Variants in NUP85 observed in about 807,000 individuals in gnomAD.
NUP85 encodes nucleoporin 85.
Under a neutral mutation model 92.8 loss-of-function variants are expected in NUP85, and 23 were observed. The observed-to-expected ratio is 0.25, with a 90% CI of 0.18 to 0.35. The LOEUF (loss-of-function observed/expected upper bound fraction) is 0.35. NUP85 is among the 10% of genes least tolerant of loss of function. NUP85 has a pLI of 1.00. For synonymous variants in NUP85, 314 were observed against 306.9 expected (o/e 1.02, Z -0.24); for missense variants, 759 against 822.8 (o/e 0.92, Z 0.95).
intron 6 of NUP85, 109 bp downstream of exon 6, chr17:75,215,932 C>T: frequency 1.0e-6 from 1 of 988,626 alleles, no homozygotes; most frequent in Non-Finnish European, 1.6e-6. Context: ...TGAGAATGTT[C>T]TTTCCATCAT....
intron 5 of NUP85, among the ~76,000 whole-genome samples, chr17:75,214,676 C>T (rs989200356): frequency 7.3e-5 from 11 of 151,212 alleles, no homozygotes; most frequent in African/African-American, 2.7e-4. Context: ...CTGGCCAACA[C>T]GGAAACTCCA....
At chr17:75,210,394 A>G (rs915734547) in intron 3 of NUP85, among the ~76,000 whole-genome samples, 2 of 152,192 alleles carry the variant, frequency 1.3e-5, no homozygotes, top group African/African-American at 2.4e-5. Context: ...CTATTTATAG[A>G]TTAGGATTTT....
At chr17:75,226,604 T>G (rs2145363071) in intron 11 of NUP85, 1 of 321,602 alleles carries the variant, frequency 3.1e-6, no homozygotes, top group Admixed American at 4.0e-5. Context: ...AAAACTGGGG[T>G]TTTAGAGGGG....
At chr17:75,235,055 G>C in intron 17 of NUP85, 45 bp from the exon 18 acceptor site, 1 of 1,508,708 alleles carries the variant, frequency 6.6e-7, no homozygotes, top group Non-Finnish European at 9.2e-7. Flanking sequence ...AACCAATGCA[G>C]GCCAGGGCTG....
In NUP85 at chr17:75,231,135, C is replaced by T; in HGVS notation, c.1095-205C>T. 2 of 569,892 alleles carry T rather than the reference C, an allele frequency of 3.5e-6. No homozygotes were observed. Among genetic ancestry groups the T allele is most frequent in the Non-Finnish European group, 6.3e-6 (2 of 315,976 alleles). 35.3% of individuals were successfully genotyped at this position (569,892 alleles called of 1,614,324 possible). A position where few individuals can be genotyped will look rare whatever the true frequency, so the allele number is the denominator to read the frequency against. On this transcript the variant is annotated intron_variant, in intron 11 of 18. Coordinates refer to ENST00000245544, the MANE Select transcript of NUP85 (RefSeq NM_024844.5). This position sits in a 1 kb window ranked among gnomAD's most constrained non-coding sequence, Gnocchi z 4.6. ...GTAGAGATGGGGTTTTGCCATGTTG[C>T]CCAGGCTGGTCTTAAATTCCTGGAC...
chr17:75,225,537 A>G (rs1259045988), intron 9 of NUP85, 73 bp downstream of exon 9: 14 of 1,584,842 alleles, frequency 8.8e-6, no homozygotes, highest in South Asian at 1.1e-5. Flanking sequence ...CAGCAGTGGC[A>G]GGAGCTTGGT....
In NUP85 at chr17:75,218,103, A is replaced by C. The variant is rs144052480; in HGVS notation, c.476-82A>C. On this transcript the variant is annotated intron_variant, in intron 6 of 18. Coordinates refer to ENST00000245544, the MANE Select transcript of NUP85 (RefSeq NM_024844.5). ...CCTATGTAGTCAGCTTGTCTGCCTT[A>C]AAGTTCTCTGTTCCTTGGATAAAGG... 151 of 1,588,904 alleles carry C rather than the reference A, an allele frequency of 9.5e-5. 1 individual carries two copies. The African/African-American group carries it at 1.8e-3, about 19-fold the overall frequency.
chr17:75,232,037 G>C, intron 14 of NUP85, 58 bp downstream of exon 14: 1 of 1,591,484 alleles, frequency 6.3e-7, no homozygotes, highest in Non-Finnish European at 8.6e-7. Context: ...AGGGGATCCT[G>C]AGGTCACACT....
At chr17:75,213,876 T>TG (rs2075348416) in intron 5 of NUP85, among the ~76,000 whole-genome samples, 1 of 35,710 alleles carries the variant, frequency 2.8e-5, no homozygotes, top group Non-Finnish European at 6.9e-5. Context: ...TTTTTTTTTT[T>TG]TTTTTTTTTT....
intron 6 of NUP85, among the ~76,000 whole-genome samples, chr17:75,216,131 A>T (rs142616653): frequency 6.6e-6 from 1 of 152,142 alleles, no homozygotes; most frequent in African/African-American, 2.4e-5. Context: ...AGAAAGTTTT[A>T]TGAATGTGGG....
chr17:75,226,132 A>C lies in NUP85; in HGVS notation c.1069A>C (p.Ile357Leu). 1 of 1,614,096 alleles carries C rather than the reference A, an allele frequency of 6.2e-7. No homozygotes were observed. The highest frequency in any genetic ancestry group is 8.5e-7 in the Non-Finnish European group (1 of 1,180,004). ...NILLAAFEFD[I>L]HQVIKECSIA... ...CTTGTTGGCAGCCTTTGAGTTTGAC[A>C]TCCATCAAGTAATCAAAGAGTGCAG... The change falls in exon 11 of 19, where the codon ATC (isoleucine) becomes CTC (leucine). Residue 357 changes from isoleucine (I) to leucine (L), a missense_variant. Physicochemically the swap from Ile to Leu is conservative, Grantham distance 5. Coordinates refer to ENST00000245544, the MANE Select transcript of NUP85 (RefSeq NM_024844.5).
At chr17:75,210,683 G>A (rs6501763) in intron 3 of NUP85, among the ~76,000 whole-genome samples, 139,499 of 152,222 alleles carry the variant, frequency 0.92, 64,844 homozygotes, top group Non-Finnish European at 1. Flanking sequence ...GTGAGTGTGT[G>A]CAAGAGTGAT....
chr17:75,212,266 T>G (rs1568069760), intron 4 of NUP85, among the ~76,000 whole-genome samples: 41 of 42,796 alleles, frequency 9.6e-4, no homozygotes, highest in African/African-American at 2.9e-3. Context: ...TTTTTTTTTT[T>G]TTTTTTTTTT....
intron 11 of NUP85, among the ~76,000 whole-genome samples, chr17:75,229,861 A>G (rs550521935): frequency 3.3e-5 from 5 of 152,116 alleles, no homozygotes; most frequent in Admixed American, 1.3e-4. Context: ...TGGGTCCCCT[A>G]TAGCCTTTTC....
Position 75,209,945 on chromosome 17 carries a change from A to G in NUP85, c.250A>G (p.Arg84Gly). ...ESHGIFLGLQ[R>G]IDEELTGKSR... ...CCATGGAATCTTTCTGGGCCTCCAGAGAATTGACGAAGAGTTGACTGGAAA... is the reference window on the plus strand; with the variant it reads ...CCATGGAATCTTTCTGGGCCTCCAGGGAATTGACGAAGAGTTGACTGGAAA... The change falls in exon 3 of 19, where the codon AGA becomes GGA. Residue 84 changes from arginine (R) to glycine (G), a missense_variant. By Grantham distance (125) the Arg-to-Gly change is moderately radical. Coordinates refer to ENST00000245544, the MANE Select transcript of NUP85 (RefSeq NM_024844.5). The G allele has an allele frequency of 1.9e-6, 3 of 1,583,288 alleles. No individual in the cohort carries two copies. The highest frequency in any genetic ancestry group is 2.6e-6 in the Non-Finnish European group (3 of 1,172,366).
chr17:75,222,478 A>G (rs114697299), intron 7 of NUP85, among the ~76,000 whole-genome samples: 3,339 of 141,994 alleles, frequency 0.024, 122 homozygotes, highest in African/African-American at 0.083. Flanking sequence ...CAGTATGTAT[A>G]TGTTTATATA....
At chr17:75,216,833 G>A (rs1441872531) in intron 6 of NUP85, among the ~76,000 whole-genome samples, 2 of 152,020 alleles carry the variant, frequency 1.3e-5, no homozygotes, top group African/African-American at 4.8e-5. Context: ...GTATCTGCAG[G>A]TTCTACATCA....
rs766789350 is a variant in NUP85, at chr17:75,231,291, G to A, written c.1095-49G>A. On this transcript the variant is annotated intron_variant, in intron 11 of 18. Transcript: ENST00000245544. This position sits in a 1 kb window ranked among gnomAD's most constrained non-coding sequence, Gnocchi z 4.6. ...TTGCTCACCCCCACTCTTGTGGGAC[G>A]CGGCCTGTGCCCTGATTTTCCTTCT... 1.1e-5 allele frequency: 18 copies of A among 1,585,916 alleles called. No individual in the cohort carries two copies. Among genetic ancestry groups the A allele is most frequent in the South Asian group, 7.7e-5 (7 of 90,466 alleles).
chr17:75,210,061 T>C, intron 3 of NUP85, 76 bp downstream of exon 3: 1 of 1,460,334 alleles, frequency 6.8e-7, no homozygotes. Context: ...GTTGTCTTTT[T>C]GTGTGTTTTA....
Sources: allele counts gnomAD v4.1 joint callset (sites outside exome capture counted in the v4.1 genomes callset), GRCh38; gene constraint gnomAD v4.1.1; non-coding constraint Gnocchi (gnomAD v3.1); transcripts MANE v1.5; gene names NCBI Gene and HGNC (gene_info 2026-07-23, HGNC 2026-07-21).